DPP4: variants seen among roughly 807,000 people sequenced by gnomAD.
DPP4 encodes dipeptidyl peptidase 4.
DPP4 carries 93 observed loss-of-function variants against 122.4 expected under a neutral mutation model. The observed-to-expected ratio is 0.76, with a 90% CI of 0.64 to 0.90. DPP4 has a LOEUF of 0.90. Ranked by LOEUF, DPP4 falls within the 40% of genes least tolerant of loss-of-function variation. The probability of loss-of-function intolerance (pLI) is 0.00; values close to 1 mark genes in which losing one functional copy is unlikely to be tolerated. For synonymous variants in DPP4, 321 were observed against 302.9 expected (o/e 1.06, Z -0.62); for missense variants, 914 against 907.3 (o/e 1.01, Z -0.09).
chr2:161,995,695 G>A (rs998993416), intron 23 of DPP4, among the ~76,000 whole-genome samples: 1 of 152,184 alleles, frequency 6.6e-6, no homozygotes, highest in Admixed American at 6.5e-5. Context: ...ACAGGGCAGA[G>A]TCTCATATTA....
Position 162,020,277 on chromosome 2 carries a change from T to G in DPP4, c.1196A>C (p.Lys399Thr). 6.2e-7 allele frequency: 1 copy of G among 1,611,064 alleles called. No individual in the cohort carries two copies. Among genetic ancestry groups the G allele is most frequent in the Non-Finnish European group, 8.5e-7 (1 of 1,179,310 alleles). The change falls in exon 14 of 26, where the codon AAA becomes ACA. Residue 399 changes from lysine (K) to threonine (T), a missense_variant. Lys to Thr is a moderately conservative substitution (Grantham distance 78, BLOSUM62 -1). Transcript: ENST00000360534. ...IDKKDCTFIT[K>T]GTWEVIGIEA... ...TATCCCGATGACTTCCCAGGTGCCT[T>G]TTGTAATAAATGTGCAGTCCTGATG...
In DPP4 at chr2:162,024,866, T is replaced by A; in HGVS notation, c.961A>T (p.Asn321Tyr). The change falls in exon 11 of 26, where the codon AAC becomes TAC. Residue 321 changes from asparagine (N) to tyrosine (Y), a missense_variant. Coordinates refer to ENST00000360534, the MANE Select transcript of DPP4 (RefSeq NM_001935.4). ...ISLQWLRRIQ[N>Y]YSVMDICDYD... ...TCACAAATATCCATGACCGAATAGT[T>A]CTGAATCCTCCTGAGCCACTGCAAA... The A allele has an allele frequency of 2.5e-6, 4 of 1,613,982 alleles. No individual in the cohort carries two copies. The highest frequency in any genetic ancestry group is 3.4e-6 in the Non-Finnish European group (4 of 1,180,028).
chr2:162,028,285 C>T lies in DPP4; in HGVS notation c.888-3346G>A, dbSNP rs116412165. ...GCTGAGGCAGGAGAACTAATTGAAC[C>T]GGGCAGACAGAGGTTGCATTGAGCC... On this transcript the variant is annotated intron_variant, in intron 10 of 25. Coordinates refer to ENST00000360534, the MANE Select transcript of DPP4 (RefSeq NM_001935.4). Among the ~76,000 whole-genome samples, 759 of 152,118 alleles carry T rather than the reference C, an allele frequency of 5.0e-3. 8 individuals carry two copies. Among genetic ancestry groups the T allele is most frequent in the African/African-American group, 0.015 (642 of 41,496 alleles).
intron 10 of DPP4, among the ~76,000 whole-genome samples, chr2:162,031,239 G>A (rs1157729640): frequency 1.3e-5 from 2 of 152,190 alleles, no homozygotes; most frequent in Non-Finnish European, 2.9e-5. Flanking sequence ...GTACCTCACA[G>A]CGGTGTTGTG....
In DPP4 at chr2:161,994,897, C is replaced by T. The variant is rs1236246067; in HGVS notation, c.2199+64G>A. 3 of 1,490,004 alleles carry T rather than the reference C, an allele frequency of 2.0e-6. No homozygotes were observed. The Admixed American group carries it at 5.1e-5, about 25-fold the overall frequency. 92.3% of individuals were successfully genotyped at this position (1,490,004 alleles called of 1,614,324 possible). On this transcript the variant is annotated intron_variant, in intron 25 of 25. Transcript: ENST00000360534. The stretch of plus-strand genomic sequence containing the variant: ...TCTGTGGCACTGCTAAAAGAATTAG[C>T]CCAGAAAGAGGAAACTAGACCCCAC...
At chr2:162,062,400 G>A (rs1684806249) in intron 2 of DPP4, among the ~76,000 whole-genome samples, 2 of 152,292 alleles carry the variant, frequency 1.3e-5, no homozygotes, top group Non-Finnish European at 2.9e-5. Flanking sequence ...ACATGTATCA[G>A]CTTAGAGTTC....
chr2:162,048,256 T>C (rs971682865), intron 2 of DPP4, among the ~76,000 whole-genome samples: 12 of 152,184 alleles, frequency 7.9e-5, no homozygotes, highest in African/African-American at 2.7e-4. Flanking sequence ...CTGAAAATCA[T>C]TTTTGATACT....
chr2:162,046,685 C>T (rs1043228953), intron 4 of DPP4: 1 of 592,124 alleles, frequency 1.7e-6, no homozygotes, highest in South Asian at 1.5e-5. Context: ...GAAGATGGAG[C>T]CCCAAGGAGC....
intron 23 of DPP4, among the ~76,000 whole-genome samples, chr2:161,997,441 G>T (rs1275139562): frequency 6.6e-6 from 1 of 151,976 alleles, no homozygotes; most frequent in Non-Finnish European, 1.5e-5. Flanking sequence ...TCTATATTAT[G>T]CATTACTCTT....
At chr2:162,022,553 C>T (rs529603532) in intron 12 of DPP4, among the ~76,000 whole-genome samples, 1 of 152,244 alleles carries the variant, frequency 6.6e-6, no homozygotes, top group South Asian at 2.1e-4. Context: ...TTTCACTTGT[C>T]CCCTTACTTT....
chr2:162,023,689 C>T (rs944946809), intron 11 of DPP4, among the ~76,000 whole-genome samples: 45 of 152,134 alleles, frequency 3.0e-4, no homozygotes, highest in African/African-American at 1.1e-3. Flanking sequence ...TCCCTCTGTA[C>T]CTTGGTTGAA....
At position 161,993,029 on chromosome 2, in the gene DPP4, A is replaced by C; in HGVS notation, c.*254T>G. On this transcript the variant is annotated 3_prime_UTR_variant, in exon 26 of 26. Transcript: ENST00000360534. ...AACAATTCCTATTTGTTGTTTCAGC[A>C]GCTGATGCAGAAATGATTTTAAACA... is the stretch of plus-strand genomic sequence containing the variant. 1 of 352,048 alleles carries C rather than the reference A, an allele frequency of 2.8e-6. No individual in the cohort carries two copies. Among genetic ancestry groups the C allele is most frequent in the Non-Finnish European group, 5.3e-6 (1 of 190,030 alleles). The allele number at this position is 352,048 out of a possible 1,614,324, so 21.8% of individuals were successfully genotyped here. A position where few individuals can be genotyped will look rare whatever the true frequency, so the allele number is the denominator to read the frequency against.
chr2:162,050,380 G>A (rs73971549), intron 2 of DPP4, among the ~76,000 whole-genome samples: 5,763 of 152,172 alleles, frequency 0.038, 239 homozygotes, highest in African/African-American at 0.097. Context: ...TCTGTGAGCC[G>A]CTGCACCAGG....
chr2:162,038,235 A>G (rs1683852486), intron 8 of DPP4, 67 bp downstream of exon 8: 1 of 1,414,600 alleles, frequency 7.1e-7, no homozygotes, highest in Non-Finnish European at 9.5e-7. Flanking sequence ...TCCCATTGCA[A>G]AAGAAACATT....
chr2:162,000,923 T>C (rs921984656), intron 23 of DPP4, among the ~76,000 whole-genome samples: 16 of 152,212 alleles, frequency 1.1e-4, no homozygotes, highest in African/African-American at 2.9e-4. Context: ...CCTGCTCTAC[T>C]CAGAGCCCTT....
At chr2:162,026,269 G>A (rs1229162884) in intron 10 of DPP4, among the ~76,000 whole-genome samples, 1 of 152,160 alleles carries the variant, frequency 6.6e-6, no homozygotes, top group East Asian at 1.9e-4. Context: ...AACACTTAAT[G>A]TGCGAATGTG....
At chr2:162,034,694 T>C (rs1041643279) in intron 9 of DPP4, among the ~76,000 whole-genome samples, 4 of 152,174 alleles carry the variant, frequency 2.6e-5, no homozygotes, top group Non-Finnish European at 5.9e-5. Flanking sequence ...TTATTCCAAA[T>C]GTAGGACATG....
At chr2:162,046,806 C>T (rs1481937913) in intron 4 of DPP4, 109 bp downstream of exon 4, 1 of 771,424 alleles carries the variant, frequency 1.3e-6, no homozygotes, top group Non-Finnish European at 2.3e-6. Context: ...TTGCCATATG[C>T]TGCAGAAAGA....
rs965477958 is a variant in DPP4 at position 162,047,421 on chromosome 2, A to T, written c.175T>A (p.Ser59Thr). The T allele has an allele frequency of 6.4e-7, 1 of 1,568,326 alleles. No individual in the cohort carries two copies. Among genetic ancestry groups the T allele is most frequent in the Non-Finnish European group, 8.7e-7 (1 of 1,148,864 alleles). ...LKNTYRLKLY[S>T]LRWISDHEYL... ...TTCTTACCTGAAATCCATCTTAAGG[A>T]GTATAACTTCAGTCTATAAGTATTT... Residue 59 changes from serine to threonine, a missense_variant, in exon 3 of 26, where the codon TCC becomes ACC. By Grantham distance (58) the Ser-to-Thr change is moderately conservative (BLOSUM62 1). Transcript: ENST00000360534.
Sources: allele counts gnomAD v4.1 joint callset (sites outside exome capture counted in the v4.1 genomes callset), GRCh38; gene constraint gnomAD v4.1.1; transcripts MANE v1.5; gene names NCBI Gene and HGNC (gene_info 2026-07-23, HGNC 2026-07-21).